MITF: variants seen among roughly 807,000 people sequenced by gnomAD.
MITF encodes the protein microphthalmia-associated transcription factor.
In MITF, 17 loss-of-function variants were observed where a neutral mutation model predicts 60.5. The ratio of observed to expected loss-of-function variants is 0.28; its 90% CI spans 0.19 to 0.42. The LOEUF (loss-of-function observed/expected upper bound fraction) is 0.42, where lower values mean the gene tolerates loss of function less well. Among genes scored for constraint, MITF ranks in the 10% least tolerant of loss-of-function variants. The pLI is 1.00. For missense variants in MITF, 622 were observed against 683.5 expected (o/e 0.91, Z 1.00); for synonymous variants, 260 against 248.5 (o/e 1.05, Z -0.43).
chr3:69,890,640 C>G (rs970875750), intron 2 of MITF, among the ~76,000 whole-genome samples: 40 of 152,042 alleles, frequency 2.6e-4, no homozygotes, highest in African/African-American at 9.2e-4. Context: ...TCTTAGTTAA[C>G]TTGCGGTATA....
chr3:69,958,876 A>G (rs2066466056), intron 8 of MITF, among the ~76,000 whole-genome samples: 1 of 152,176 alleles, frequency 6.6e-6, no homozygotes, highest in Non-Finnish European at 1.5e-5. Flanking sequence ...CAATGTGTAC[A>G]AACTGGGTGG....
chr3:69,815,751 G>T (rs1355729759), intron 1 of MITF, among the ~76,000 whole-genome samples: 1 of 152,092 alleles, frequency 6.6e-6, no homozygotes, highest in East Asian at 1.9e-4. Context: ...ATTGTTCAAG[G>T]GTCAACTGTA....
chr3:69,795,247 G>T lies in MITF; in HGVS notation c.104+55546G>T, dbSNP rs555150448. On this transcript the variant is annotated intron_variant, in intron 1 of 9. Transcript: ENST00000352241. Reference sequence around the variant, plus strand: ...CAAGCGATGTATTATGTTTTCATTTGCAAACTAGTATATTTTAATAGATGC... The same window carrying T: ...CAAGCGATGTATTATGTTTTCATTTTCAAACTAGTATATTTTAATAGATGC... Among the ~76,000 whole-genome samples, 282 of 152,078 alleles carry T rather than the reference G, an allele frequency of 1.9e-3. 1 individual carries two copies. The highest frequency in any genetic ancestry group is 6.5e-3 in the African/African-American group (268 of 41,488).
At chr3:69,749,133 A>G (rs1703835725) in intron 1 of MITF, among the ~76,000 whole-genome samples, 2 of 152,222 alleles carry the variant, frequency 1.3e-5, no homozygotes, top group Non-Finnish European at 2.9e-5. Flanking sequence ...CTCAGGACCT[A>G]GCTCAATCCT....
chr3:69,770,331 A>G (rs886186298), intron 1 of MITF, among the ~76,000 whole-genome samples: 1 of 152,208 alleles, frequency 6.6e-6, no homozygotes, highest in African/African-American at 2.4e-5. Context: ...TATGCATTCC[A>G]GAGAATCCTG....
intron 2 of MITF, among the ~76,000 whole-genome samples, chr3:69,906,300 G>C: frequency 6.6e-6 from 1 of 151,942 alleles, no homozygotes; most frequent in East Asian, 1.9e-4. Context: ...TCTCTGTCCT[G>C]GTCTGTTTTT....
chr3:69,929,598 G>T (rs1559726877), intron 2 of MITF, among the ~76,000 whole-genome samples: 1 of 150,688 alleles, frequency 6.6e-6, no homozygotes, highest in Non-Finnish European at 1.5e-5. Flanking sequence ...CTTTGTTTTT[G>T]TTTTTTTTTC....
At position 69,739,562 on chromosome 3, in the gene MITF, C is replaced by T. The variant is rs2106732281; in HGVS notation, c.-36C>T. ...TCCCTCCGCCCCCGGGCTCTGTTCT[C>T]ACTTTCCAGCAGTGGAAGGACGGGA... is the stretch of plus-strand genomic sequence containing the variant. On this transcript the variant is annotated 5_prime_UTR_variant, in exon 1 of 10. Transcript: ENST00000352241. 6.5e-7 allele frequency: 1 copy of T among 1,534,630 alleles called. No individual in the cohort carries two copies. Among genetic ancestry groups the T allele is most frequent in the African/African-American group, 1.4e-5 (1 of 73,104 alleles).
intron 1 of MITF, among the ~76,000 whole-genome samples, chr3:69,826,491 A>G (rs1190469616): frequency 1.1e-4 from 17 of 152,168 alleles, no homozygotes; most frequent in Non-Finnish European, 2.5e-4. Flanking sequence ...AGCCTTTTCT[A>G]ATTTGGGGCA....
intron 1 of MITF, among the ~76,000 whole-genome samples, chr3:69,821,689 CT>C (rs2063275399): frequency 3.1e-5 from 2 of 65,488 alleles, no homozygotes; most frequent in East Asian, 2.6e-4. Flanking sequence ...AAAAAAAAAA[CT>C]AAAAAAAAAA....
chr3:69,902,391 C>A (rs2065012889), intron 2 of MITF, among the ~76,000 whole-genome samples: 1 of 152,050 alleles, frequency 6.6e-6, no homozygotes, highest in African/African-American at 2.4e-5. Context: ...ACTGTTGGGT[C>A]CCCAGCACCT....
rs1289498099 is a variant in MITF at position 69,965,845 on chromosome 3, C to T, written c.*597C>T. Reference sequence around the variant, plus strand: ...AAAAATGCGGCCTTTTCATGAGGATCGTCTGGTTAGAAAACATAACTGATA... The same window carrying T: ...AAAAATGCGGCCTTTTCATGAGGATTGTCTGGTTAGAAAACATAACTGATA... On this transcript the variant is annotated 3_prime_UTR_variant, in exon 10 of 10. Coordinates refer to ENST00000352241, the MANE Select transcript of MITF (RefSeq NM_001354604.2). 3 of 229,916 alleles carry T rather than the reference C, an allele frequency of 1.3e-5. No individual in the cohort carries two copies. In the East Asian group the frequency reaches 1.9e-4, roughly 14 times the overall value. 14.2% of individuals were successfully genotyped at this position (229,916 alleles called of 1,614,324 possible).
intron 1 of MITF, among the ~76,000 whole-genome samples, chr3:69,832,065 C>T (rs2063457063): frequency 6.6e-6 from 1 of 152,208 alleles, no homozygotes; most frequent in Admixed American, 6.5e-5. Flanking sequence ...GTTACTACTG[C>T]TACATAACAA....
intron 5 of MITF, among the ~76,000 whole-genome samples, chr3:69,943,654 G>T (rs1170567832): frequency 6.6e-6 from 1 of 152,096 alleles, no homozygotes; most frequent in African/African-American, 2.4e-5. Context: ...CTATCTGTGA[G>T]ACATATCTAT....
At chr3:69,941,401 T>G in intron 5 of MITF, 70 bp downstream of exon 5, 1 of 932,432 alleles carries the variant, frequency 1.1e-6, no homozygotes, top group Non-Finnish European at 1.7e-6. Context: ...TTTCTTAAAC[T>G]TTTATTTTAT....
At chr3:69,854,172 T>A (rs1037421260) in intron 1 of MITF, among the ~76,000 whole-genome samples, 8 of 152,126 alleles carry the variant, frequency 5.3e-5, no homozygotes, top group Non-Finnish European at 1.0e-4. Context: ...TAATCATTAA[T>A]CCCTGGACCC....
chr3:69,894,871 A>G (rs1436478602), intron 2 of MITF, among the ~76,000 whole-genome samples: 3 of 152,158 alleles, frequency 2.0e-5, no homozygotes, highest in Non-Finnish European at 4.4e-5. Context: ...ATCTTCCATT[A>G]CATAGACTAT....
intron 1 of MITF, among the ~76,000 whole-genome samples, chr3:69,823,174 C>T (rs1371467673): frequency 2.6e-5 from 4 of 152,178 alleles, no homozygotes; most frequent in Non-Finnish European, 4.4e-5. Flanking sequence ...CCGCTGCACT[C>T]GGCCTCATCC....
intron 1 of MITF, among the ~76,000 whole-genome samples, chr3:69,842,718 G>C (rs1288558535): frequency 6.6e-6 from 1 of 150,890 alleles, no homozygotes; most frequent in Non-Finnish European, 1.5e-5. Context: ...TAACAAATTT[G>C]CATTTCCAAA....
Sources: allele counts gnomAD v4.1 joint callset (sites outside exome capture counted in the v4.1 genomes callset), GRCh38; gene constraint gnomAD v4.1.1; transcripts MANE v1.5; gene names NCBI Gene and HGNC (gene_info 2026-07-23, HGNC 2026-07-21).